FRMD4A: variants seen among roughly 807,000 people sequenced by gnomAD.
FRMD4A encodes the protein FERM domain-containing protein 4A.
Under a neutral mutation model 129.1 loss-of-function variants are expected in FRMD4A, and 29 were observed. The observed-to-expected ratio is 0.22, with a 90% CI of 0.17 to 0.31. The LOEUF (loss-of-function observed/expected upper bound fraction) is 0.31, where lower values mean the gene tolerates loss of function less well. Ranked by LOEUF, FRMD4A falls within the 10% of genes least tolerant of loss-of-function variation. FRMD4A has a pLI of 1.00. For missense variants in FRMD4A, 1,272 were observed against 1,375.8 expected (o/e 0.92, Z 1.19); for synonymous variants, 634 against 571.6 (o/e 1.11, Z -1.56).
chr10:13,897,589 T>C (rs2094772584), intron 2 of FRMD4A, among the ~76,000 whole-genome samples: 1 of 152,184 alleles, frequency 6.6e-6, no homozygotes, highest in South Asian at 2.1e-4. Flanking sequence ...GGCCAGTGCA[T>C]GGCCTGTGAG....
chr10:14,248,283 T>C (rs1844315351), intron 2 of FRMD4A, among the ~76,000 whole-genome samples: 1 of 152,232 alleles, frequency 6.6e-6, no homozygotes, highest in South Asian at 2.1e-4. Flanking sequence ...CGATTGACTA[T>C]ATGAACTCAA....
chr10:13,963,600 A>T (rs1191184396), intron 2 of FRMD4A, among the ~76,000 whole-genome samples: 1 of 152,244 alleles, frequency 6.6e-6, no homozygotes, highest in African/African-American at 2.4e-5. Context: ...TGGATCATTG[A>T]TGTCACTATA....
chr10:13,978,189 T>C (rs1447943047), intron 2 of FRMD4A, among the ~76,000 whole-genome samples: 4 of 152,120 alleles, frequency 2.6e-5, no homozygotes, highest in African/African-American at 9.7e-5. Flanking sequence ...TGTTAAGTGG[T>C]GGTGTTCTTG....
chr10:13,740,100 A>G, intron 11 of FRMD4A, 94 bp downstream of exon 11: 1 of 818,808 alleles, frequency 1.2e-6, no homozygotes, highest in Non-Finnish European at 2.1e-6. Flanking sequence ...CTCTATCTCA[A>G]AAGAAAAAGA....
At chr10:13,974,303 C>A (rs2095533102) in intron 2 of FRMD4A, among the ~76,000 whole-genome samples, 1 of 152,098 alleles carries the variant, frequency 6.6e-6, no homozygotes, top group South Asian at 2.1e-4. Context: ...AACAGCAAGA[C>A]CTACTCAAGC....
chr10:13,813,898 G>T (rs578206300), intron 3 of FRMD4A, among the ~76,000 whole-genome samples: 3 of 152,344 alleles, frequency 2.0e-5, no homozygotes, highest in Admixed American at 2.0e-4. Context: ...ATAGGTTAGG[G>T]ACAGTCTGTG....
At chr10:13,903,994 C>T (rs544767658) in intron 2 of FRMD4A, among the ~76,000 whole-genome samples, 5 of 152,196 alleles carry the variant, frequency 3.3e-5, no homozygotes, top group Non-Finnish European at 7.3e-5. Flanking sequence ...AACCGATTGC[C>T]TCCCTATCTA....
At chr10:13,962,951 A>G (rs752098878) in intron 2 of FRMD4A, among the ~76,000 whole-genome samples, 4 of 152,276 alleles carry the variant, frequency 2.6e-5, no homozygotes, top group Non-Finnish European at 5.9e-5. Flanking sequence ...TTTCATGAAC[A>G]AAGTAAAAAT....
intron 2 of FRMD4A, among the ~76,000 whole-genome samples, chr10:14,059,060 T>C (rs1481159275): frequency 6.6e-6 from 1 of 152,214 alleles, no homozygotes; most frequent in East Asian, 1.9e-4. Flanking sequence ...TCCAGCCATT[T>C]TGATGAAAAA....
intron 2 of FRMD4A, among the ~76,000 whole-genome samples, chr10:14,013,254 C>T (rs2095688054): frequency 6.6e-6 from 1 of 152,164 alleles, no homozygotes; most frequent in African/African-American, 2.4e-5. Flanking sequence ...TTCCTTGTAA[C>T]ATCTTGCAGG....
At chr10:13,989,246 T>C (rs1243246925) in intron 2 of FRMD4A, among the ~76,000 whole-genome samples, 1 of 152,146 alleles carries the variant, frequency 6.6e-6, no homozygotes, top group Non-Finnish European at 1.5e-5. Flanking sequence ...TTTGATTATG[T>C]TGCACCCTAA....
intron 2 of FRMD4A, among the ~76,000 whole-genome samples, chr10:14,147,033 C>A (rs1589075100): frequency 6.6e-6 from 1 of 152,128 alleles, no homozygotes; most frequent in Non-Finnish European, 1.5e-5. Context: ...TTTTTGGATG[C>A]AAGGTATAAA....
At chr10:14,094,901 G>C (rs1363003115) in intron 2 of FRMD4A, among the ~76,000 whole-genome samples, 2 of 152,142 alleles carry the variant, frequency 1.3e-5, no homozygotes, top group Non-Finnish European at 2.9e-5. Flanking sequence ...ATCTATGCCT[G>C]TGTATGAATG....
chr10:13,696,294 C>T (rs1237166105), intron 14 of FRMD4A, among the ~76,000 whole-genome samples: 1 of 152,216 alleles, frequency 6.6e-6, no homozygotes, highest in Non-Finnish European at 1.5e-5. Context: ...ATGGCGAGTA[C>T]AACCCATGAC....
chr10:13,682,216 C>T (rs2084661196), intron 15 of FRMD4A, among the ~76,000 whole-genome samples: 2 of 152,006 alleles, frequency 1.3e-5, no homozygotes, highest in African/African-American at 4.8e-5. Context: ...AAAGCAAGAC[C>T]CCGTCTGAAA....
At position 14,328,492 on chromosome 10, in the gene FRMD4A, G is replaced by A. The variant is rs1016378213; in HGVS notation, c.45+1566C>T. 6.9e-4 allele frequency among the ~76,000 whole-genome samples: 105 copies of A among 151,996 alleles called. 1 individual carries two copies. Among genetic ancestry groups the A allele is most frequent in the African/African-American group, 2.4e-3 (99 of 41,466 alleles). Reference sequence around the variant, plus strand: ...TCTTTCTTCTAAGTATAGAAGAAAGGTCCAAGTAGGAGGCTGAGACAAGCG... The same window carrying A: ...TCTTTCTTCTAAGTATAGAAGAAAGATCCAAGTAGGAGGCTGAGACAAGCG... On this transcript the variant is annotated intron_variant, in intron 2 of 24. Coordinates refer to ENST00000357447, the MANE Select transcript of FRMD4A (RefSeq NM_018027.5).
At chr10:14,078,950 C>G (rs1835769159) in intron 2 of FRMD4A, among the ~76,000 whole-genome samples, 1 of 152,182 alleles carries the variant, frequency 6.6e-6, no homozygotes, top group African/African-American at 2.4e-5. Flanking sequence ...AAAAGGGAAA[C>G]AGGACTAACC....
intron 2 of FRMD4A, among the ~76,000 whole-genome samples, chr10:14,174,349 C>A (rs1841620876): frequency 6.6e-6 from 1 of 152,154 alleles, no homozygotes; most frequent in Admixed American, 6.6e-5. Flanking sequence ...TCTCTGTGTA[C>A]CCTGCTCACT....
intron 2 of FRMD4A, among the ~76,000 whole-genome samples, chr10:14,298,438 T>C (rs1281403693): frequency 6.6e-6 from 1 of 151,980 alleles, no homozygotes; most frequent in Non-Finnish European, 1.5e-5. Flanking sequence ...CTGTGTGGGG[T>C]AGGATCTGTG....
Sources: allele counts gnomAD v4.1 joint callset (sites outside exome capture counted in the v4.1 genomes callset), GRCh38; gene constraint gnomAD v4.1.1; transcripts MANE v1.5; gene names NCBI Gene and HGNC (gene_info 2026-07-23, HGNC 2026-07-21).